DMGDH: variants seen among roughly 807,000 people sequenced by gnomAD.
The protein encoded by DMGDH is dimethylglycine dehydrogenase, mitochondrial.
Under a neutral mutation model 95.2 loss-of-function variants are expected in DMGDH, and 76 were observed. The ratio of observed to expected loss-of-function variants is 0.80; its 90% CI spans 0.66 to 0.97. The LOEUF is 0.97. Ranked by LOEUF, DMGDH falls within the 50% of genes least tolerant of loss-of-function variation. DMGDH has a pLI of 0.00. For missense variants in DMGDH, 987 were observed against 1,055.0 expected, an observed-to-expected ratio of 0.94 and a Z score of 0.89; for synonymous variants, 345 against 377.6, an observed-to-expected ratio of 0.91 and a Z score of 1.00.
At chr5:79,060,790 G>A (rs184684432) in intron 2 of DMGDH, among the ~76,000 whole-genome samples, 90 of 151,790 alleles carry the variant, frequency 5.9e-4, no homozygotes, top group Middle Eastern at 6.8e-3. Flanking sequence ...GTGGTGGTGC[G>A]CACCTGTAGT....
chr5:79,005,525 A>G (rs1269562798), intron 14 of DMGDH, 118 bp from the exon 15 acceptor site: 3 of 1,378,222 alleles, frequency 2.2e-6, no homozygotes, highest in East Asian at 4.8e-5. Flanking sequence ...TTAAATAAAA[A>G]TACAGATCGG....
chr5:79,026,417 TTC>T lies in DMGDH; in HGVS notation c.2190+5_2190+6del. The stretch of plus-strand genomic sequence containing the variant: ...AAAATGTTAATAAAGATGCTAGCAT[TTC>T]AAACCTCTAACCCCCAGGCTCTGAA... On this transcript the variant is annotated splice_donor_5th_base_variant and intron_variant, in intron 13 of 15. Transcript: ENST00000255189. The T allele has an allele frequency of 6.2e-7, 1 of 1,614,070 alleles. No homozygotes were observed. The highest frequency in any genetic ancestry group is 8.5e-7 in the Non-Finnish European group (1 of 1,179,978).
At chr5:79,004,941 A>G (rs1252246423) in intron 15 of DMGDH, among the ~76,000 whole-genome samples, 1 of 152,240 alleles carries the variant, frequency 6.6e-6, no homozygotes, top group Non-Finnish European at 1.5e-5. Context: ...TATAAAATCC[A>G]TCTTTTGCAT....
chr5:79,014,422 T>C (rs1434131257), intron 14 of DMGDH, among the ~76,000 whole-genome samples: 1 of 152,214 alleles, frequency 6.6e-6, no homozygotes, highest in Admixed American at 6.5e-5. Flanking sequence ...TATAGAGTTT[T>C]CATAATAGAT....
At position 79,030,956 on chromosome 5, in the gene DMGDH, C is replaced by T. The variant is rs917633333; in HGVS notation, c.1560G>A (p.Ser520=). 3.7e-6 allele frequency: 6 copies of T among 1,614,012 alleles called. No homozygotes were observed. Among genetic ancestry groups the T allele is most frequent in the Admixed American group, 3.3e-5 (2 of 59,992 alleles). The change falls in exon 10 of 16, where the codon TCG becomes TCA. Residue 520 remains serine (S), a synonymous_variant. Coordinates refer to ENST00000255189, the MANE Select transcript of DMGDH (RefSeq NM_013391.3). ...CTCTTTGCATAACCTGTTTATACTC[C>T]GAGCCCACAGGCTCAAACCAGTTTG... ...RRTNWFEPVG[S]EYKQVMQRVA...
intron 10 of DMGDH, 29 bp from the exon 11 acceptor site, chr5:79,030,063 G>T: frequency 6.3e-7 from 1 of 1,594,372 alleles, no homozygotes; most frequent in Non-Finnish European, 8.6e-7. Flanking sequence ...AATTACCTTA[G>T]GATGAACTAA....
chr5:79,069,472 C>A (rs1296784296), intron 1 of DMGDH, 48 bp downstream of exon 1: 5 of 1,180,286 alleles, frequency 4.2e-6, no homozygotes, highest in Non-Finnish European at 5.3e-6. Flanking sequence ...CTGGCTCCCA[C>A]CCCCGCAGCC....
At chr5:79,002,633 A>AC (rs1580180445) in intron 15 of DMGDH, among the ~76,000 whole-genome samples, 2 of 152,132 alleles carry the variant, frequency 1.3e-5, no homozygotes, top group Non-Finnish European at 2.9e-5. Flanking sequence ...ACACACACAC[A>AC]AAAAAGTCAA....
chr5:79,019,917 T>C (rs1364087127), intron 14 of DMGDH, among the ~76,000 whole-genome samples: 1 of 149,930 alleles, frequency 6.7e-6, no homozygotes, highest in Non-Finnish European at 1.5e-5. Context: ...GATAGATCGA[T>C]AGATAGATAG....
intron 3 of DMGDH, among the ~76,000 whole-genome samples, chr5:79,055,501 T>C (rs73132128): frequency 0.072 from 10,956 of 152,296 alleles, 877 homozygotes; most frequent in African/African-American, 0.18. Flanking sequence ...TGCAATGCAA[T>C]TGCTGAAAGA....
At chr5:79,033,021 A>G (rs921556190) in intron 8 of DMGDH, among the ~76,000 whole-genome samples, 181 bp from the exon 9 acceptor site, 12 of 152,242 alleles carry the variant, frequency 7.9e-5, no homozygotes, top group African/African-American at 2.9e-4. Context: ...ATCAAAGAGT[A>G]AAGTAAAAAT....
At chr5:79,000,526 A>C in intron 15 of DMGDH, 1 of 592,770 alleles carries the variant, frequency 1.7e-6, no homozygotes, top group South Asian at 1.5e-5. Flanking sequence ...AATCAGAGAT[A>C]ATTCTATTTC....
In DMGDH at chr5:79,050,248, C is replaced by CAAAA. The variant is rs57662602; in HGVS notation, c.745+1035_745+1038dup. Among the ~76,000 whole-genome samples the CAAAA allele has an allele frequency of 3.6e-3, 285 of 78,494 alleles. 4 individuals carry two copies. The highest frequency in any genetic ancestry group is 0.012 in the East Asian group (41 of 3,308). The allele number at this position is 78,494 out of a possible 152,430, so 51.5% of individuals were successfully genotyped here. On this transcript the variant is annotated intron_variant, in intron 5 of 15. Transcript: ENST00000255189. The stretch of plus-strand genomic sequence containing the variant: ...GGGGCACAAGAGCAAAACTTTGTCT[C>CAAAA]AAAAAAAAAAAAAAAAAAAAAAAAA...
chr5:79,021,707 C>A, intron 14 of DMGDH: 1 of 1,293,756 alleles, frequency 7.7e-7, no homozygotes, highest in Non-Finnish European at 1.0e-6. Flanking sequence ...AAATTAGTTA[C>A]AGCAAAAACA....
intron 13 of DMGDH, among the ~76,000 whole-genome samples, chr5:79,026,080 T>C (rs1208799261): frequency 6.6e-6 from 1 of 152,138 alleles, no homozygotes; most frequent in Middle Eastern, 3.2e-3. Context: ...AGGTATAAGA[T>C]AAGAAGAAAA....
intron 2 of DMGDH, among the ~76,000 whole-genome samples, chr5:79,060,647 G>T (rs188075527): frequency 6.6e-6 from 1 of 152,178 alleles, no homozygotes; most frequent in African/African-American, 2.4e-5. Context: ...TCAGCCTGGC[G>T]CGGTGGCTCA....
At chr5:79,049,885 C>T (rs529607259) in intron 5 of DMGDH, among the ~76,000 whole-genome samples, 36 of 152,198 alleles carry the variant, frequency 2.4e-4, no homozygotes, top group African/African-American at 7.9e-4. Flanking sequence ...GAGAGAAATT[C>T]GGAAATAACT....
Position 79,042,339 on chromosome 5 carries a change from C to G in DMGDH, c.1137G>C (p.Leu379=). 6.2e-7 allele frequency: 1 copy of G among 1,614,232 alleles called. No homozygotes were observed. Among genetic ancestry groups the G allele is most frequent in the Non-Finnish European group, 8.5e-7 (1 of 1,180,040 alleles). Residue 379 remains leucine (L), a synonymous_variant, in exon 7 of 16, where the codon CTG becomes CTC. Transcript: ENST00000255189. ...CCCCCTGATGGGGCCCCACCATAGG[C>G]AGAATGTCAGGAGAATACGTGATAG... ...NGPITYSPDI[L]PMVGPHQGVR...
chr5:79,005,518 A>T (rs1753531614), intron 14 of DMGDH, 111 bp from the exon 15 acceptor site: 2 of 1,427,700 alleles, frequency 1.4e-6, no homozygotes, highest in Non-Finnish European at 1.9e-6. Context: ...TTACACATTA[A>T]ATAAAAATAC....
Sources: allele counts gnomAD v4.1 joint callset (sites outside exome capture counted in the v4.1 genomes callset), GRCh38; gene constraint gnomAD v4.1.1; transcripts MANE v1.5; gene names NCBI Gene and HGNC (gene_info 2026-07-23, HGNC 2026-07-21).